KIAA1217: variants seen among roughly 807,000 people sequenced by gnomAD.
The protein encoded by KIAA1217 is sickle tail protein homolog.
KIAA1217 carries 88 observed loss-of-function variants against 163.9 expected under a neutral mutation model. The ratio of observed to expected loss-of-function variants is 0.54; its 90% confidence interval spans 0.45 to 0.64. KIAA1217 has a LOEUF of 0.64. Ranked by LOEUF, KIAA1217 falls within the 30% of genes least tolerant of loss-of-function variation. KIAA1217 has a pLI of 0.00. For missense variants in KIAA1217, 2,372 were observed against 2,475.0 expected (o/e 0.96, Z 0.88); for synonymous variants, 903 against 923.1 (o/e 0.98, Z 0.39).
chr10:24,172,161 C>G (rs184596164), intron 2 of KIAA1217, among the ~76,000 whole-genome samples: 1 of 152,268 alleles, frequency 6.6e-6, no homozygotes, highest in East Asian at 1.9e-4. Flanking sequence ...ATTTGAAATT[C>G]TTGGTTTCTA....
intron 1 of KIAA1217, among the ~76,000 whole-genome samples, chr10:23,768,814 A>T (rs997077784): frequency 6.6e-6 from 1 of 152,138 alleles, no homozygotes; most frequent in Admixed American, 6.5e-5. Flanking sequence ...CCTCATGGGA[A>T]TGCTTGGAGC....
At chr10:23,928,231 G>C (rs1843110565) in intron 1 of KIAA1217, among the ~76,000 whole-genome samples, 1 of 152,178 alleles carries the variant, frequency 6.6e-6, no homozygotes. Context: ...TTTAGGCTTG[G>C]TAGGGCCACG....
At chr10:24,453,754 G>A (rs1167494553) in intron 5 of KIAA1217, among the ~76,000 whole-genome samples, 1 of 152,160 alleles carries the variant, frequency 6.6e-6, no homozygotes, top group African/African-American at 2.4e-5. Context: ...TTTGTAAATG[G>A]TAATAATTAT....
chr10:24,092,778 T>A (rs563042524), intron 2 of KIAA1217, among the ~76,000 whole-genome samples: 1 of 151,896 alleles, frequency 6.6e-6, no homozygotes, highest in South Asian at 2.1e-4. Context: ...TGGGATAGCA[T>A]GGTAAAATGT....
intron 2 of KIAA1217, among the ~76,000 whole-genome samples, chr10:24,045,840 T>C (rs935902304): frequency 2.6e-5 from 4 of 152,158 alleles, no homozygotes; most frequent in African/African-American, 7.2e-5. Flanking sequence ...ATGGTCTCAA[T>C]TGAGCCCTAG....
chr10:24,223,008 G>A lies in KIAA1217; in HGVS notation c.354+3099G>A, dbSNP rs374791280. Among the ~76,000 whole-genome samples, 65 of 152,328 alleles carry A rather than the reference G, an allele frequency of 4.3e-4. 1 individual carries two copies. In the South Asian group the frequency reaches 0.013, roughly 31 times the overall value. The stretch of plus-strand genomic sequence containing the variant: ...ATGGCATTTGTAAACTGTCATGGCA[G>A]TGGTGGGAGTGTAGCAGTGAGGACC... On this transcript the variant is annotated intron_variant, in intron 2 of 20. Transcript: ENST00000376454.
chr10:23,830,401 C>T (rs370136000), intron 1 of KIAA1217, among the ~76,000 whole-genome samples: 12 of 152,112 alleles, frequency 7.9e-5, no homozygotes, highest in African/African-American at 1.9e-4. Context: ...TGATAAAAGA[C>T]GACCGTGTCC....
At chr10:24,195,652 A>G (rs1029624713) in intron 2 of KIAA1217, among the ~76,000 whole-genome samples, 1 of 152,218 alleles carries the variant, frequency 6.6e-6, no homozygotes, top group Non-Finnish European at 1.5e-5. Flanking sequence ...AAATCTGATG[A>G]CAGCGAGATA....
chr10:24,459,548 T>C (rs975008918), intron 5 of KIAA1217, among the ~76,000 whole-genome samples: 3 of 152,160 alleles, frequency 2.0e-5, no homozygotes, highest in African/African-American at 7.2e-5. Context: ...AGCTACTCTG[T>C]AAATATATGG....
At chr10:24,308,612 A>G (rs761406342) in intron 2 of KIAA1217, among the ~76,000 whole-genome samples, 17 of 152,188 alleles carry the variant, frequency 1.1e-4, no homozygotes, top group Non-Finnish European at 1.9e-4. Flanking sequence ...GAACAAAGCC[A>G]TTGAATCCAG....
At chr10:24,200,053 C>A (rs2067177688) in intron 2 of KIAA1217, among the ~76,000 whole-genome samples, 1 of 152,108 alleles carries the variant, frequency 6.6e-6, no homozygotes, top group Non-Finnish European at 1.5e-5. Flanking sequence ...CCCCCATGCA[C>A]CCCTGCCCAG....
intron 1 of KIAA1217, among the ~76,000 whole-genome samples, chr10:23,897,518 C>T (rs1253824070): frequency 6.6e-6 from 1 of 152,038 alleles, no homozygotes; most frequent in Non-Finnish European, 1.5e-5. Context: ...GTGGCCAGGG[C>T]TGAGACTGGG....
Position 24,021,087 on chromosome 10 carries a change from G to T in KIAA1217, c.-171+13713G>T, listed in dbSNP as rs144499492. 2.2e-3 allele frequency among the ~76,000 whole-genome samples: 336 copies of T among 152,016 alleles called. 2 individuals carry two copies. Among genetic ancestry groups the T allele is most frequent in the Admixed American group, 0.015 (233 of 15,210 alleles). On this transcript the variant is annotated intron_variant, in intron 2 of 18. Transcript: ENST00000376462. ...ATTATGTTTAAAGAATTCAGGGAAA[G>T]AAATGTATAAAGAATTAAAGGAACA... is the stretch of plus-strand genomic sequence containing the variant.
chr10:23,824,638 AAAAAAAAAAAAAT>A lies in KIAA1217; in HGVS notation c.-321+129413_-321+129425del, dbSNP rs1232337406. Among the ~76,000 whole-genome samples, 614 of 75,626 alleles carry A rather than the reference AAAAAAAAAAAAAT, an allele frequency of 8.1e-3. 9 individuals are homozygous for A. The highest frequency in any genetic ancestry group is 0.037 in the African/African-American group (586 of 15,878). The allele number at this position is 75,626 out of a possible 152,430, so 49.6% of individuals were successfully genotyped here. A position where few individuals can be genotyped will look rare whatever the true frequency, so the allele number is the denominator to read the frequency against. On this transcript the variant is annotated intron_variant, in intron 1 of 18. Coordinates refer to the KIAA1217 transcript ENST00000376462. ...AGTGAAACTCTGTCTCAAGAAAAAA[AAAAAAAAAAAAAT>A]AAAAAAAATATATATATATATATAT...
chr10:23,827,358 C>A (rs140216770), intron 1 of KIAA1217, among the ~76,000 whole-genome samples: 1 of 152,090 alleles, frequency 6.6e-6, no homozygotes, highest in Non-Finnish European at 1.5e-5. Flanking sequence ...TCTTAGGTAC[C>A]TTTGTTTCCA....
chr10:23,890,771 T>A (rs745495333), intron 1 of KIAA1217, among the ~76,000 whole-genome samples: 2 of 152,036 alleles, frequency 1.3e-5, no homozygotes, highest in African/African-American at 2.4e-5. Context: ...AGTTGGTGAA[T>A]AGTCTTTTTC....
chr10:24,363,547 T>A (rs1004326340), intron 2 of KIAA1217, among the ~76,000 whole-genome samples: 1 of 136,476 alleles, frequency 7.3e-6, no homozygotes, highest in Non-Finnish European at 1.6e-5. Flanking sequence ...TTCCTTTAGT[T>A]TTTTGTGGGT....
chr10:24,473,844 C>G lies in KIAA1217; in HGVS notation c.1463C>G (p.Ala488Gly). The change falls in exon 6 of 21, where the codon GCT (alanine) becomes GGT (glycine). Residue 488 changes from alanine to glycine, a missense_variant. Physicochemically the swap from Ala to Gly is moderately conservative, Grantham distance 60. This residue lies in a region of KIAA1217 where 1,431 missense variants were observed against 1,470.3 expected (regional missense o/e 0.97). Coordinates refer to ENST00000376454, the MANE Select transcript of KIAA1217 (RefSeq NM_019590.5). The stretch of plus-strand genomic sequence containing the variant: ...GACCTGAGGATGATAGACATGCACG[C>G]TCACTATAATGCCCACGGCCCCCCT... The part of the protein sequence containing the change: ...VSDLRMIDMH[A>G]HYNAHGPPHT... The G allele has an allele frequency of 6.2e-7, 1 of 1,614,144 alleles. No homozygotes were observed. Among genetic ancestry groups the G allele is most frequent in the South Asian group, 1.1e-5 (1 of 91,084 alleles).
intron 2 of KIAA1217, among the ~76,000 whole-genome samples, chr10:24,064,497 G>C (rs570589207): frequency 6.6e-6 from 1 of 152,298 alleles, no homozygotes; most frequent in South Asian, 2.1e-4. Flanking sequence ...AAGCCCACTT[G>C]ATCATGGTGG....
Sources: allele counts gnomAD v4.1 joint callset (sites outside exome capture counted in the v4.1 genomes callset), GRCh38; gene constraint gnomAD v4.1.1; regional missense constraint gnomAD v4.1.1; transcripts MANE v1.5; gene names NCBI Gene and HGNC (gene_info 2026-07-23, HGNC 2026-07-21).